The following UST variants were observed in gnomAD, a reference collection of about 807,000 sequenced individuals.
UST encodes the protein uronyl 2-sulfotransferase, also known as chondroitin sulfate 2-O-sulfotransferase.
Under a neutral mutation model 45.6 loss-of-function variants are expected in UST, and 21 were observed. That is an observed-to-expected ratio of 0.46 (90% confidence interval 0.33 to 0.66). UST has a LOEUF of 0.66. UST is among the 30% of genes least tolerant of loss of function. The pLI is 0.02. For missense variants in UST, 463 were observed against 512.4 expected (o/e 0.90, Z 0.93); for synonymous variants, 215 against 200.6 (o/e 1.07, Z -0.61).
At chr6:148,792,461 T>C (rs970590475) in intron 1 of UST, among the ~76,000 whole-genome samples, 2 of 152,080 alleles carry the variant, frequency 1.3e-5, no homozygotes, top group Non-Finnish European at 2.9e-5. Context: ...CCCAGACACT[T>C]CGGACTGGAG....
chr6:148,767,869 T>C (rs1214525900), intron 1 of UST, among the ~76,000 whole-genome samples: 1 of 152,192 alleles, frequency 6.6e-6, no homozygotes, highest in East Asian at 1.9e-4. Flanking sequence ...TTGGTTTTCA[T>C]GGTGGCAGAG....
chr6:148,950,572 A>G (rs1424262061), intron 3 of UST, among the ~76,000 whole-genome samples: 1 of 151,894 alleles, frequency 6.6e-6, no homozygotes, highest in African/African-American at 2.4e-5. Flanking sequence ...ATCACTGAAC[A>G]CCTCTGGCAC....
chr6:149,047,381 A>C (rs578168432), intron 7 of UST, among the ~76,000 whole-genome samples: 1 of 152,338 alleles, frequency 6.6e-6, no homozygotes, highest in East Asian at 1.9e-4. Flanking sequence ...GTCTTTAATG[A>C]AATAGATTTA....
chr6:148,806,901 G>A (rs1028027759), intron 1 of UST, among the ~76,000 whole-genome samples: 14 of 152,108 alleles, frequency 9.2e-5, no homozygotes, highest in African/African-American at 1.4e-4. Flanking sequence ...CCACTATGGC[G>A]GCATTAACCT....
At chr6:148,783,336 GA>G (rs1385551928) in intron 1 of UST, among the ~76,000 whole-genome samples, 1 of 152,180 alleles carries the variant, frequency 6.6e-6, no homozygotes, top group East Asian at 1.9e-4. Flanking sequence ...TGGTGGTCTG[GA>G]ACTGAACCTC....
intron 5 of UST, among the ~76,000 whole-genome samples, chr6:149,011,274 T>C (rs1306977216): frequency 6.6e-6 from 1 of 152,106 alleles, no homozygotes. Context: ...ATAATTGAAC[T>C]CATGGAGATA....
intron 5 of UST, among the ~76,000 whole-genome samples, chr6:148,992,111 C>A (rs1372103726): frequency 1.3e-5 from 2 of 152,146 alleles, no homozygotes; most frequent in Non-Finnish European, 2.9e-5. Flanking sequence ...ATGATCATAG[C>A]CTTGCTCCAT....
intron 1 of UST, among the ~76,000 whole-genome samples, chr6:148,874,620 T>G (rs956157798): frequency 6.6e-6 from 1 of 152,214 alleles, no homozygotes; most frequent in African/African-American, 2.4e-5. Context: ...GTAAAAATAT[T>G]TAAATATTGA....
intron 1 of UST, among the ~76,000 whole-genome samples, chr6:148,772,518 G>A (rs539963171): frequency 5.9e-5 from 9 of 151,972 alleles, no homozygotes; most frequent in Non-Finnish European, 1.3e-4. Flanking sequence ...TGCCTCCTGG[G>A]TTCAAGCGAT....
chr6:148,824,584 C>T (rs888674461), intron 1 of UST, among the ~76,000 whole-genome samples: 6 of 151,860 alleles, frequency 4.0e-5, no homozygotes, highest in Admixed American at 1.3e-4. Context: ...GTGTGAGCTA[C>T]TGGGAGATGG....
At chr6:148,902,270 A>G (rs1779275152) in intron 2 of UST, among the ~76,000 whole-genome samples, 1 of 152,052 alleles carries the variant, frequency 6.6e-6, no homozygotes, top group African/African-American at 2.4e-5. Flanking sequence ...TCTGTAACCC[A>G]GGCTGGAGTA....
chr6:148,760,809 G>A (rs1311628526), intron 1 of UST, among the ~76,000 whole-genome samples: 1 of 152,136 alleles, frequency 6.6e-6, no homozygotes, highest in Non-Finnish European at 1.5e-5. Flanking sequence ...GTTTATCAAT[G>A]AGAAAAAGAT....
chr6:148,845,632 G>T (rs1777971825), intron 1 of UST, among the ~76,000 whole-genome samples: 1 of 152,038 alleles, frequency 6.6e-6, no homozygotes. Flanking sequence ...ATTTCTGTTG[G>T]GTAAATACTT....
chr6:149,000,839 T>C (rs764761626), intron 5 of UST, among the ~76,000 whole-genome samples: 1 of 152,092 alleles, frequency 6.6e-6, no homozygotes, highest in Non-Finnish European at 1.5e-5. Context: ...AGTTCTAAGC[T>C]AAATAAAGTT....
chr6:148,931,253 A>G (rs939637066), intron 2 of UST, among the ~76,000 whole-genome samples: 9 of 152,240 alleles, frequency 5.9e-5, no homozygotes, highest in Non-Finnish European at 1.3e-4. Context: ...GGTTGGACTC[A>G]GAGTATAAAT....
intron 1 of UST, among the ~76,000 whole-genome samples, chr6:148,822,525 G>A (rs1777487314): frequency 6.6e-6 from 1 of 152,204 alleles, no homozygotes; most frequent in Non-Finnish European, 1.5e-5. Flanking sequence ...TGAATGTATA[G>A]AAAGAGAAAT....
chr6:148,867,285 TACACACACACACACACAC>T lies in UST; in HGVS notation c.248-19675_248-19658del, dbSNP rs58093813. On this transcript the variant is annotated intron_variant, in intron 1 of 7. Transcript: ENST00000367463. ...TACCTTTCTTTGAGGCATTGTTGAA[TACACACACACACACACAC>T]ACACACACACACACACACACACACA... 7.3e-5 allele frequency among the ~76,000 whole-genome samples: 10 copies of T among 136,740 alleles called. No individual in the cohort carries two copies. In the South Asian group the frequency reaches 7.9e-4, roughly 11 times the overall value. The allele number at this position is 136,740 out of a possible 152,430, so 89.7% of individuals were successfully genotyped here. A position where few individuals can be genotyped will look rare whatever the true frequency, so the allele number is the denominator to read the frequency against.
chr6:148,833,897 G>A (rs755756385), intron 1 of UST, among the ~76,000 whole-genome samples: 14 of 152,224 alleles, frequency 9.2e-5, no homozygotes, highest in Non-Finnish European at 1.9e-4. Context: ...GGCGTAAACC[G>A]TGACAGTTTA....
At chr6:148,936,525 T>G (rs1351524210) in intron 2 of UST, among the ~76,000 whole-genome samples, 1 of 150,160 alleles carries the variant, frequency 6.7e-6, no homozygotes, top group African/African-American at 2.4e-5. Flanking sequence ...GGTTTACATG[T>G]CACAGAACCT....
Sources: allele counts gnomAD v4.1 joint callset (sites outside exome capture counted in the v4.1 genomes callset), GRCh38; gene constraint gnomAD v4.1.1; transcripts MANE v1.5; gene names NCBI Gene and HGNC (gene_info 2026-07-23, HGNC 2026-07-21).